The following KCNIP4 variants were observed in gnomAD, a reference collection of about 807,000 sequenced individuals.
KCNIP4 encodes Kv channel-interacting protein 4.
KCNIP4 carries 12 observed loss-of-function variants against 34.0 expected under a neutral mutation model. The ratio of observed to expected loss-of-function variants is 0.35; its 90% CI spans 0.23 to 0.57. KCNIP4 has a LOEUF of 0.57. KCNIP4 is among the 20% of genes least tolerant of loss of function. The pLI is 0.83. For synonymous variants in KCNIP4, 124 were observed against 102.2 expected, an observed-to-expected ratio of 1.21 and a Z score of -1.29; for missense variants, 238 against 311.7, an observed-to-expected ratio of 0.76 and a Z score of 1.78.
At chr4:20,776,345 A>G (rs1560456933) in intron 3 of KCNIP4, among the ~76,000 whole-genome samples, 1 of 152,136 alleles carries the variant, frequency 6.6e-6, no homozygotes, top group Non-Finnish European at 1.5e-5. Flanking sequence ...GTTAACCTTA[A>G]TGCATCCCAG....
At chr4:21,461,914 T>C (rs931284235) in intron 1 of KCNIP4, among the ~76,000 whole-genome samples, 3 of 152,070 alleles carry the variant, frequency 2.0e-5, no homozygotes, top group African/African-American at 7.2e-5. Context: ...TAGATTTTAT[T>C]TTTAATTGAC....
At chr4:21,243,019 A>C (rs563102692) in intron 1 of KCNIP4, among the ~76,000 whole-genome samples, 1 of 152,232 alleles carries the variant, frequency 6.6e-6, no homozygotes, top group Admixed American at 6.6e-5. Flanking sequence ...TACCAAGCAG[A>C]ATATCTAGCA....
At chr4:21,099,910 T>G (rs984234986) in intron 1 of KCNIP4, among the ~76,000 whole-genome samples, 68 of 152,216 alleles carry the variant, frequency 4.5e-4, no homozygotes, top group African/African-American at 1.5e-3. Flanking sequence ...AGAACTAGAA[T>G]TAGAAGTCGA....
intron 1 of KCNIP4, among the ~76,000 whole-genome samples, chr4:21,115,139 C>T (rs6448019): frequency 0.3 from 44,865 of 151,900 alleles, 7,388 homozygotes; most frequent in African/African-American, 0.45. Flanking sequence ...TCTTCTGAAA[C>T]GCATTTCCTG....
chr4:21,688,626 C>T (rs1750996677), intron 1 of KCNIP4, among the ~76,000 whole-genome samples: 1 of 152,080 alleles, frequency 6.6e-6, no homozygotes, highest in Non-Finnish European at 1.5e-5. Context: ...AGGATCTGAA[C>T]AGGTGTTTAA....
At chr4:21,501,963 G>A (rs980646701) in intron 1 of KCNIP4, among the ~76,000 whole-genome samples, 11 of 147,746 alleles carry the variant, frequency 7.4e-5, no homozygotes, top group Non-Finnish European at 1.3e-4. Context: ...AAATGAGGGA[G>A]AATTTTCTCT....
rs1398838 is a variant in KCNIP4 at position 21,915,086 on chromosome 4, C to T, written c.61+33485G>A. 7.8e-3 allele frequency among the ~76,000 whole-genome samples: 1,187 copies of T among 152,080 alleles called. 10 individuals are homozygous for T. The highest frequency in any genetic ancestry group is 0.014 in the South Asian group (67 of 4,822). ...TTTACTTCAGACCAGGGTGCTGTAG[C>T]GGCACAGAGAGTCAGTATTTTAGGC... On this transcript the variant is annotated intron_variant, in intron 1 of 8. Coordinates refer to ENST00000382152, the MANE Select transcript of KCNIP4 (RefSeq NM_025221.6).
intron 1 of KCNIP4, among the ~76,000 whole-genome samples, chr4:20,990,829 T>C (rs1475167214): frequency 2.6e-5 from 4 of 152,216 alleles, no homozygotes; most frequent in African/African-American, 4.8e-5. Flanking sequence ...TAGGTGTCTG[T>C]CACATCCCAC....
At chr4:21,194,939 C>T (rs191562271) in intron 1 of KCNIP4, among the ~76,000 whole-genome samples, 22 of 152,278 alleles carry the variant, frequency 1.4e-4, no homozygotes, top group African/African-American at 1.7e-4. Flanking sequence ...TCACTAAGTT[C>T]CCACTCACCA....
intron 1 of KCNIP4, among the ~76,000 whole-genome samples, chr4:21,099,953 T>A (rs1040732184): frequency 9.2e-5 from 14 of 152,090 alleles, no homozygotes; most frequent in African/African-American, 2.7e-4. Context: ...GTTACTGAGT[T>A]TGATCAATCT....
chr4:21,494,966 A>G (rs1732735442), intron 1 of KCNIP4, among the ~76,000 whole-genome samples: 1 of 152,172 alleles, frequency 6.6e-6, no homozygotes, highest in Admixed American at 6.5e-5. Flanking sequence ...TCCTGGAAGT[A>G]CAGGTGAGCA....
chr4:21,410,504 A>G (rs763180163), intron 1 of KCNIP4, among the ~76,000 whole-genome samples: 1 of 152,178 alleles, frequency 6.6e-6, no homozygotes, highest in Non-Finnish European at 1.5e-5. Flanking sequence ...AACACTATGG[A>G]AAAACCCACA....
intron 1 of KCNIP4, among the ~76,000 whole-genome samples, chr4:21,462,442 C>T (rs1423509392): frequency 6.6e-6 from 1 of 152,026 alleles, no homozygotes; most frequent in Non-Finnish European, 1.5e-5. Flanking sequence ...TCACTATCAC[C>T]AGAGAAGAAT....
At chr4:21,255,565 GTTTTCT>G (rs1761006416) in intron 1 of KCNIP4, among the ~76,000 whole-genome samples, 1 of 147,294 alleles carries the variant, frequency 6.8e-6, no homozygotes, top group South Asian at 2.1e-4. Context: ...ATCAGTCTTT[GTTTTCT>G]TTTTCTTTTT....
In KCNIP4 at chr4:21,124,485, G is replaced by A. The variant is rs114482928; in HGVS notation, c.62-241776C>T. Reference sequence around the variant, plus strand: ...AATGAGTCGTTTGTCTTACAAAATGGGCAGAATCTTTCCCATCTGTGACCT... The same window carrying A: ...AATGAGTCGTTTGTCTTACAAAATGAGCAGAATCTTTCCCATCTGTGACCT... On this transcript the variant is annotated intron_variant, in intron 1 of 8. Transcript: ENST00000382152. 7.0e-3 allele frequency among the ~76,000 whole-genome samples: 1,065 copies of A among 152,182 alleles called. 14 individuals carry two copies. The highest frequency in any genetic ancestry group is 0.024 in the African/African-American group (1,007 of 41,516).
At chr4:21,753,552 G>C (rs904049986) in intron 1 of KCNIP4, among the ~76,000 whole-genome samples, 1 of 152,136 alleles carries the variant, frequency 6.6e-6, no homozygotes, top group Non-Finnish European at 1.5e-5. Flanking sequence ...ATATGCCCTA[G>C]GTTACTTCCA....
At chr4:20,958,389 G>T (rs1005203766) in intron 1 of KCNIP4, among the ~76,000 whole-genome samples, 7 of 152,168 alleles carry the variant, frequency 4.6e-5, no homozygotes. Context: ...AAGTCAAAGG[G>T]CAATAGAAAC....
intron 1 of KCNIP4, among the ~76,000 whole-genome samples, chr4:21,191,158 A>G (rs896676100): frequency 2.0e-5 from 3 of 152,232 alleles, no homozygotes; most frequent in African/African-American, 7.2e-5. Flanking sequence ...AGATATTCTC[A>G]ACAAAGGTAG....
At chr4:21,285,084 T>G (rs1477429073) in intron 1 of KCNIP4, among the ~76,000 whole-genome samples, 2 of 152,166 alleles carry the variant, frequency 1.3e-5, no homozygotes, top group East Asian at 3.8e-4. Flanking sequence ...TGGCTTAGGT[T>G]GATCCATTAG....
Sources: allele counts gnomAD v4.1 joint callset (sites outside exome capture counted in the v4.1 genomes callset), GRCh38; gene constraint gnomAD v4.1.1; transcripts MANE v1.5; gene names NCBI Gene and HGNC (gene_info 2026-07-23, HGNC 2026-07-21).